The following ASIP variants were observed in gnomAD, a reference collection of about 807,000 sequenced individuals.
ASIP encodes the protein agouti signaling protein, also known as agouti-signaling protein.
Under a neutral mutation model 10.3 loss-of-function variants are expected in ASIP, and 11 were observed. The observed-to-expected ratio is 1.07, with a 90% confidence interval of 0.68 to 1.78. ASIP has a LOEUF of 1.78. Among genes scored for constraint, ASIP ranks in the 40% most tolerant of loss-of-function variants. The pLI, the probability that ASIP is intolerant of heterozygous loss-of-function variation, is 0.00. For missense variants in ASIP, 180 were observed against 169.2 expected (o/e 1.06, Z -0.35); for synonymous variants, 70 against 70.8 (o/e 0.99, Z 0.06).
At chr20:34,235,870 GA>G (rs1228272834) in intron 1 of ASIP, among the ~76,000 whole-genome samples, 1 of 28,952 alleles carries the variant, frequency 3.5e-5, no homozygotes, top group Admixed American at 4.6e-4. Flanking sequence ...GGAAGGAAAG[GA>G]AGGAAGGAAG....
chr20:34,245,270 G>A (rs1035719555), intron 1 of ASIP, among the ~76,000 whole-genome samples: 1 of 148,930 alleles, frequency 6.7e-6, no homozygotes, highest in African/African-American at 2.5e-5. Context: ...GGAGGCGGAG[G>A]TGGCAGTGAG....
chr20:34,223,522 AGCCGT>A (rs2035068525), intron 1 of ASIP, among the ~76,000 whole-genome samples: 1 of 120,576 alleles, frequency 8.3e-6, no homozygotes, highest in African/African-American at 8.0e-5. Context: ...CCGCCCGGCC[AGCCGT>A]GCCATCCGGG....
intron 1 of ASIP, chr20:34,215,607 G>T: frequency 2.0e-6 from 3 of 1,489,612 alleles, no homozygotes; most frequent in Non-Finnish European, 1.9e-6. Context: ...GTCTTCTCTG[G>T]TTGGGGATTC....
At chr20:34,259,413 T>G (rs1162260514) in intron 1 of ASIP, among the ~76,000 whole-genome samples, 1 of 151,850 alleles carries the variant, frequency 6.6e-6, no homozygotes, top group Non-Finnish European at 1.5e-5. Flanking sequence ...CTCTGGAGGC[T>G]GAGGCACGAG....
chr20:34,213,841 C>T, intron 1 of ASIP: 1 of 1,533,550 alleles, frequency 6.5e-7, no homozygotes. Flanking sequence ...TTCGGAACAG[C>T]CACACTGTTT....
intron 1 of ASIP, among the ~76,000 whole-genome samples, chr20:34,250,952 G>T (rs1479861437): frequency 6.6e-6 from 1 of 152,116 alleles, no homozygotes; most frequent in African/African-American, 2.4e-5. Context: ...ACTCAGGGAT[G>T]ATCTCAACAC....
In ASIP at chr20:34,269,188, G is replaced by T; in HGVS notation, c.*21G>T. On this transcript the variant is annotated 3_prime_UTR_variant, in exon 4 of 4. Coordinates refer to ENST00000374954, the MANE Select transcript of ASIP (RefSeq NM_001672.3). ...GCTGAGCGCCCCCACTCCCGGCCGCGAGCAGGCAGGGCTTCGGGGACGCGG... is the reference window on the plus strand; with the variant it reads ...GCTGAGCGCCCCCACTCCCGGCCGCTAGCAGGCAGGGCTTCGGGGACGCGG... 1 of 1,481,884 alleles carries T rather than the reference G, an allele frequency of 6.7e-7. No homozygotes were observed. Among genetic ancestry groups the T allele is most frequent in the Non-Finnish European group, 9.0e-7 (1 of 1,116,272 alleles). 91.8% of individuals were successfully genotyped at this position (1,481,884 alleles called of 1,614,324 possible).
chr20:34,262,979 C>T, intron 3 of ASIP, 86 bp downstream of exon 3: 1 of 1,485,200 alleles, frequency 6.7e-7, no homozygotes, highest in Non-Finnish European at 9.3e-7. Flanking sequence ...TGGCTAGGAA[C>T]TAAATGAAAG....
upstream of ASIP, among the ~76,000 whole-genome samples, chr20:34,238,553 C>T (rs1225796209): frequency 1.3e-5 from 2 of 151,986 alleles, no homozygotes; most frequent in Non-Finnish European, 2.9e-5. Flanking sequence ...TCCCCTTTTG[C>T]TTGTACTTGT....
intron 1 of ASIP, among the ~76,000 whole-genome samples, chr20:34,258,734 G>T (rs1454154284): frequency 3.3e-4 from 14 of 41,922 alleles, no homozygotes; most frequent in South Asian, 8.6e-4. Flanking sequence ...AATATATATA[G>T]TATATATATA....
chr20:34,227,347 A>G (rs1372227445), intron 1 of ASIP, among the ~76,000 whole-genome samples: 1 of 152,152 alleles, frequency 6.6e-6, no homozygotes, highest in Non-Finnish European at 1.5e-5. Flanking sequence ...AAAGAGATAT[A>G]CCAGGCTGGG....
At position 34,260,281 on chromosome 20, in the gene ASIP, C is replaced by T. The variant is rs544510980; in HGVS notation, c.-10-84C>T. 7.1e-6 allele frequency: 10 copies of T among 1,414,752 alleles called. No individual in the cohort carries two copies. In the South Asian group the frequency reaches 1.4e-4, roughly 20 times the overall value. 87.6% of individuals were successfully genotyped at this position (1,414,752 alleles called of 1,614,324 possible). ...TTGCCTAACAGGGTCACAACACCAG[C>T]CCAAAGAAGCACAAAGAAAGCAGGA... On this transcript the variant is annotated intron_variant, in intron 1 of 3. Coordinates refer to ENST00000374954, the MANE Select transcript of ASIP (RefSeq NM_001672.3).
intron 1 of ASIP, among the ~76,000 whole-genome samples, chr20:34,234,574 G>A (rs989993767): frequency 4.7e-5 from 7 of 150,392 alleles, no homozygotes; most frequent in African/African-American, 1.2e-4. Flanking sequence ...TGTATATGAC[G>A]GACTGCATAT....
chr20:34,210,616 C>A (rs1409541410), intron 1 of ASIP, among the ~76,000 whole-genome samples: 1 of 152,176 alleles, frequency 6.6e-6, no homozygotes, highest in Non-Finnish European at 1.5e-5. Flanking sequence ...GCTGAGTGGG[C>A]AGAATAAGAC....
At chr20:34,214,799 T>C in intron 1 of ASIP, 1 of 1,536,190 alleles carries the variant, frequency 6.5e-7, no homozygotes, top group Middle Eastern at 1.8e-4. Flanking sequence ...TGTTTCAAAA[T>C]ATGAAGATAA....
rs556337877 is a variant in ASIP, at chr20:34,197,329, C to T, written c.-11+2569C>T. 1.4e-3 allele frequency among the ~76,000 whole-genome samples: 219 copies of T among 152,200 alleles called. 2 individuals are homozygous for T. Among genetic ancestry groups the T allele is most frequent in the Middle Eastern group, 3.4e-3 (1 of 294 alleles). The stretch of plus-strand genomic sequence containing the variant: ...TGAGCAGAGATCGTGCCACTGCACT[C>T]TAGCCTGGGCAGCAGAGCAAGACTC... On this transcript the variant is annotated intron_variant, in intron 1 of 3. Transcript: ENST00000568305.
At chr20:34,252,870 G>C (rs144043967) in intron 1 of ASIP, among the ~76,000 whole-genome samples, 181 of 152,316 alleles carry the variant, frequency 1.2e-3, no homozygotes, top group Non-Finnish European at 1.9e-3. Flanking sequence ...GAATGGCGAT[G>C]ACTTTTACCA....
chr20:34,246,175 T>C (rs1251689317), intron 1 of ASIP: 2 of 1,116,612 alleles, frequency 1.8e-6, no homozygotes, highest in East Asian at 4.8e-5. Context: ...GTTTCTTCTT[T>C]GCTCTAGGAA....
chr20:34,219,864 C>T (rs1329209829), intron 1 of ASIP, among the ~76,000 whole-genome samples: 3 of 152,040 alleles, frequency 2.0e-5, no homozygotes, highest in East Asian at 1.9e-4. Flanking sequence ...CCGAGGCAGG[C>T]GGATCATGAG....
Sources: gnomAD v4.1 joint callset for allele counts (sites outside exome capture counted in the v4.1 genomes callset) on GRCh38, gnomAD v4.1.1 for gene constraint, MANE v1.5 for transcripts, NCBI Gene and HGNC (gene_info 2026-07-23, HGNC 2026-07-21) for gene names.